ROBO1: variants seen among roughly 807,000 people sequenced by gnomAD.
ROBO1 encodes the protein roundabout guidance receptor 1, also known as roundabout homolog 1.
In ROBO1, 149 loss-of-function variants were observed where a neutral mutation model predicts 195.9. The observed-to-expected ratio is 0.76, with a 90% CI of 0.67 to 0.87. The LOEUF (loss-of-function observed/expected upper bound fraction) is 0.87. ROBO1 is among the 40% of genes least tolerant of loss of function. The pLI is 0.00. For missense variants in ROBO1, 1,933 were observed against 2,068.3 expected, an observed-to-expected ratio of 0.93 and a Z score of 1.27; for synonymous variants, 816 against 733.2, an observed-to-expected ratio of 1.11 and a Z score of -1.82.
intron 2 of ROBO1, among the ~76,000 whole-genome samples, chr3:79,506,242 G>T (rs915721360): frequency 6.6e-6 from 1 of 152,092 alleles, no homozygotes; most frequent in Non-Finnish European, 1.5e-5. Context: ...GAAATAGATA[G>T]TAAGTGGAGG....
intron 4 of ROBO1, among the ~76,000 whole-genome samples, chr3:78,842,737 GA>G (rs1440587535): frequency 2.6e-5 from 4 of 151,238 alleles, no homozygotes; most frequent in Admixed American, 2.6e-4. Context: ...TTTAAAAAAT[GA>G]GAACTATCTT....
chr3:78,724,979 GAC>G (rs2082129300), intron 5 of ROBO1, among the ~76,000 whole-genome samples: 1 of 152,196 alleles, frequency 6.6e-6, no homozygotes, highest in Non-Finnish European at 1.5e-5. Flanking sequence ...GTAATGAACA[GAC>G]ACAATGTTAA....
chr3:79,706,339 A>C (rs758511103), intron 1 of ROBO1, among the ~76,000 whole-genome samples: 1 of 152,062 alleles, frequency 6.6e-6, no homozygotes, highest in Non-Finnish European at 1.5e-5. Context: ...ATTTTTATTT[A>C]ACTGAATTTT....
chr3:78,744,686 A>G (rs1182144605), intron 5 of ROBO1, among the ~76,000 whole-genome samples: 1 of 152,106 alleles, frequency 6.6e-6, no homozygotes, highest in East Asian at 1.9e-4. Flanking sequence ...ACACTTGTAT[A>G]GTTGATTCCA....
chr3:79,459,786 T>A (rs2039741595), intron 2 of ROBO1, among the ~76,000 whole-genome samples: 1 of 152,098 alleles, frequency 6.6e-6, no homozygotes, highest in Admixed American at 6.5e-5. Flanking sequence ...AAAAAGCATT[T>A]TCACAAGGTA....
At chr3:78,947,546 C>T (rs1240822796) in intron 3 of ROBO1, among the ~76,000 whole-genome samples, 1 of 152,156 alleles carries the variant, frequency 6.6e-6, no homozygotes, top group Non-Finnish European at 1.5e-5. Context: ...AAATTTATAG[C>T]ACTAAATGCC....
intron 2 of ROBO1, among the ~76,000 whole-genome samples, chr3:79,472,974 G>A (rs912546335): frequency 6.6e-6 from 1 of 152,132 alleles, no homozygotes; most frequent in African/African-American, 2.4e-5. Context: ...GGGAGTGAGA[G>A]TGGATGTGGG....
chr3:79,384,054 G>C (rs1575754812), intron 2 of ROBO1, among the ~76,000 whole-genome samples: 1 of 151,792 alleles, frequency 6.6e-6, no homozygotes, highest in Non-Finnish European at 1.5e-5. Context: ...CATATGCAGT[G>C]TATCAAAATA....
intron 4 of ROBO1, among the ~76,000 whole-genome samples, chr3:78,784,981 A>C (rs992973631): frequency 1.3e-5 from 2 of 152,192 alleles, no homozygotes; most frequent in Non-Finnish European, 2.9e-5. Context: ...TGCACAGGTT[A>C]TTCACTGCAC....
At chr3:78,926,477 G>A (rs1037721027) in intron 4 of ROBO1, among the ~76,000 whole-genome samples, 13 of 152,138 alleles carry the variant, frequency 8.5e-5, no homozygotes, top group Non-Finnish European at 1.3e-4. Context: ...AAAGAAAGTC[G>A]GGAAGAATCA....
chr3:79,441,995 C>G (rs1330629344), intron 2 of ROBO1, among the ~76,000 whole-genome samples: 1 of 151,794 alleles, frequency 6.6e-6, no homozygotes, highest in Non-Finnish European at 1.5e-5. Context: ...GAGAGGTTGA[C>G]TTCTAAGAAC....
chr3:79,152,531 T>G (rs2080791036), intron 2 of ROBO1, among the ~76,000 whole-genome samples: 1 of 151,876 alleles, frequency 6.6e-6, no homozygotes, highest in Non-Finnish European at 1.5e-5. Flanking sequence ...TTTAGGTATC[T>G]GTCAAATGCT....
At chr3:78,684,881 G>A (rs187504544) in intron 10 of ROBO1, among the ~76,000 whole-genome samples, 9 of 151,878 alleles carry the variant, frequency 5.9e-5, no homozygotes, top group African/African-American at 9.7e-5. Flanking sequence ...TCTTTTATTC[G>A]TGTTCCATTT....
At chr3:78,736,291 G>A (rs2038993370) in intron 5 of ROBO1, among the ~76,000 whole-genome samples, 1 of 152,130 alleles carries the variant, frequency 6.6e-6, no homozygotes, top group Non-Finnish European at 1.5e-5. Context: ...CATGAGCTTC[G>A]AACATAAGAC....
intron 2 of ROBO1, among the ~76,000 whole-genome samples, chr3:79,355,807 C>T (rs927129697): frequency 6.6e-6 from 1 of 152,024 alleles, no homozygotes; most frequent in East Asian, 1.9e-4. Context: ...TATCCATTCA[C>T]CCATTAATGG....
intron 3 of ROBO1, among the ~76,000 whole-genome samples, chr3:79,036,667 AAG>A (rs2078385686): frequency 6.6e-6 from 1 of 152,164 alleles, no homozygotes; most frequent in African/African-American, 2.4e-5. Context: ...TGGAAAAAAA[AAG>A]AGATATTGAC....
intron 8 of ROBO1, among the ~76,000 whole-genome samples, chr3:78,694,988 A>G: frequency 6.6e-6 from 1 of 152,108 alleles, no homozygotes; most frequent in East Asian, 1.9e-4. Flanking sequence ...TAAAAACAAA[A>G]AAAACTGGAA....
chr3:79,443,939 C>T (rs2039145813), intron 2 of ROBO1, among the ~76,000 whole-genome samples: 1 of 151,014 alleles, frequency 6.6e-6, no homozygotes, highest in African/African-American at 2.4e-5. Flanking sequence ...GACAGATTTT[C>T]CAGTAATTGA....
At chr3:79,266,793 CCAAA>C (rs932411910) in intron 2 of ROBO1, among the ~76,000 whole-genome samples, 22 of 151,604 alleles carry the variant, frequency 1.5e-4, no homozygotes, top group Non-Finnish European at 2.8e-4. Context: ...CCATTTTATA[CCAAA>C]CAAAGTGAAT....
Sources: gnomAD v4.1 joint callset for allele counts (sites outside exome capture counted in the v4.1 genomes callset) on GRCh38, gnomAD v4.1.1 for gene constraint, MANE v1.5 for transcripts, NCBI Gene and HGNC (gene_info 2026-07-23, HGNC 2026-07-21) for gene names.